LTBP4: variants seen among roughly 807,000 people sequenced by gnomAD.
LTBP4 encodes the protein latent transforming growth factor beta binding protein 4.
Under a neutral mutation model 180.2 loss-of-function variants are expected in LTBP4, and 93 were observed. The observed-to-expected ratio is 0.52, with a 90% CI of 0.44 to 0.61. LTBP4 has a LOEUF of 0.61. Among genes scored for constraint, LTBP4 ranks in the 20% least tolerant of loss-of-function variants. The pLI is 0.00. For synonymous variants in LTBP4, 947 were observed against 934.5 expected, an observed-to-expected ratio of 1.01 and a Z score of -0.24; for missense variants, 2,116 against 2,256.5, an observed-to-expected ratio of 0.94 and a Z score of 1.26.
intron 21 of LTBP4, among the ~76,000 whole-genome samples, chr19:40,618,405 G>C (rs1346789544): frequency 2.0e-5 from 3 of 152,006 alleles, no homozygotes; most frequent in Non-Finnish European, 4.4e-5. Flanking sequence ...GATTACAGGT[G>C]CCCACCACTA....
intron 26 of LTBP4, among the ~76,000 whole-genome samples, chr19:40,625,314 A>ATT (rs2081625095): frequency 5.6e-5 from 1 of 17,754 alleles, no homozygotes; most frequent in Non-Finnish European, 9.6e-5. Flanking sequence ...ATATATATAT[A>ATT]TATTTTTTTT....
intron 21 of LTBP4, among the ~76,000 whole-genome samples, chr19:40,618,932 A>G (rs2081567620): frequency 6.6e-6 from 1 of 152,138 alleles, no homozygotes. Flanking sequence ...TTTCACAATG[A>G]TGAAGGTGGC....
At chr19:40,600,352 G>A (rs1279367873), upstream of LTBP4, among the ~76,000 whole-genome samples, 1 of 152,152 alleles carries the variant, frequency 6.6e-6, no homozygotes, top group African/African-American at 2.4e-5. The surrounding 1 kb of genome is among the most constrained non-coding windows in gnomAD (Gnocchi z 4.4). Flanking sequence ...AGGTGAGCCC[G>A]GGACAGGACC....
Position 40,601,523 on chromosome 19 carries a change from G to A in LTBP4, c.136G>A (p.Val46Ile), listed in dbSNP as rs2081423768. ...CCCGGTCGTGTGCGGCCTGCGCTGC[G>A]TCCATGGGCCGACCGGCTCCCGCTG... ...FTPVVCGLRC[V>I]HGPTGSRCTP... Residue 46 changes from valine (V) to isoleucine (I), a missense_variant, in exon 1 of 30, where the codon GTC (valine) becomes ATC (isoleucine). By Grantham distance (29) the Val-to-Ile change is conservative. Around this residue, in one of 5 missense-constraint regions of LTBP4, gnomAD observed 469 missense variants for 532.5 expected, o/e 0.88. Transcript: ENST00000396819. The A allele has an allele frequency of 4.7e-6, 7 of 1,494,252 alleles. No homozygotes were observed. The highest frequency in any genetic ancestry group is 2.1e-4 in the Middle Eastern group (1 of 4,868). 92.6% of individuals were successfully genotyped at this position (1,494,252 alleles called of 1,614,324 possible).
At chr19:40,620,954 T>C (rs898374520) in intron 22 of LTBP4, among the ~76,000 whole-genome samples, 5 of 151,466 alleles carry the variant, frequency 3.3e-5, no homozygotes, top group Non-Finnish European at 7.4e-5. Context: ...TTTTTTTTTT[T>C]CTTTGAGACG....
chr19:40,611,310 G>C lies in LTBP4; in HGVS notation c.1969G>C (p.Gly657Arg), dbSNP rs747808808. 6.2e-7 allele frequency: 1 copy of C among 1,612,270 alleles called. No homozygotes were observed. Among genetic ancestry groups the C allele is most frequent in the Non-Finnish European group, 8.5e-7 (1 of 1,179,498 alleles). Residue 657 changes from glycine to arginine, a missense_variant, in exon 13 of 30, where the codon GGC becomes CGC. Physicochemically the swap from Gly to Arg is moderately radical, Grantham distance 125. Around this residue, in one of 5 missense-constraint regions of LTBP4, gnomAD observed 877 missense variants for 873.6 expected, o/e 1.00. Transcript: ENST00000396819. This position sits in a 1 kb window ranked among gnomAD's most constrained non-coding sequence, Gnocchi z 4.4. ...CCAGGAGCCGCCGCCCTGTGGGCCC[G>C]GCCGCTGTGACAACACGGCAGGCTC... ...CAQEPPPCGPGRCDNTAGSFH... is the reference protein window; with the variant it reads ...CAQEPPPCGPRRCDNTAGSFH...
At chr19:40,603,072 A>T (rs187692646) in intron 1 of LTBP4, among the ~76,000 whole-genome samples, 3 of 152,174 alleles carry the variant, frequency 2.0e-5, no homozygotes, top group Admixed American at 6.5e-5. Flanking sequence ...CTCTCCAACC[A>T]TGGCAACAGA....
At position 40,612,110 on chromosome 19, in the gene LTBP4, G is replaced by A. The variant is rs1017466644; in HGVS notation, c.2217G>A (p.Gly739=). ...DECENHLACP[G]QECVNSPGSF... The stretch of plus-strand genomic sequence containing the variant: ...GTGAGAACCACCTCGCATGCCCTGG[G>A]CAGGAGTGTGTGAACTCGCCCGGCT... Residue 739 remains glycine, a synonymous_variant, in exon 15 of 30, where the codon GGG becomes GGA. Coordinates refer to ENST00000396819, the MANE Select transcript of LTBP4 (RefSeq NM_001042545.2). 2 of 1,613,658 alleles carry A rather than the reference G, an allele frequency of 1.2e-6. No individual in the cohort carries two copies. The highest frequency in any genetic ancestry group is 2.2e-5 in the South Asian group (2 of 90,960).
chr19:40,622,479 G>GC lies in LTBP4; in HGVS notation c.3298dup (p.Arg1100ProfsTer6). 6.2e-7 allele frequency: 1 copy of GC among 1,609,068 alleles called. No homozygotes were observed. On this transcript the variant is annotated frameshift_variant, in exon 23 of 30. Coordinates refer to ENST00000396819, the MANE Select transcript of LTBP4 (RefSeq NM_001042545.2). LOFTEE classifies it high-confidence loss of function. The surrounding 1 kb of genome is among the most constrained non-coding windows in gnomAD (Gnocchi z 5.1). The stretch of plus-strand genomic sequence containing the variant: ...AGGCCACCTCCGCCACCCCTGCCCC[G>GC]CCGACCCAGCACACCTAGGCAGGGC...
At chr19:40,607,318 AG>A in intron 6 of LTBP4, 46 bp from the exon 7 acceptor site, 1 of 1,522,900 alleles carries the variant, frequency 6.6e-7, no homozygotes, top group Middle Eastern at 1.7e-4. Context: ...TCAGTGCTAC[AG>A]CATTCCCAGC....
intron 25 of LTBP4, 27 bp from the exon 26 acceptor site, chr19:40,623,909 G>T: frequency 6.2e-7 from 1 of 1,612,856 alleles, no homozygotes; most frequent in South Asian, 1.1e-5. Context: ...AGTTGAAGGG[G>T]ATGCCTCTTA....
upstream of LTBP4, chr19:40,599,784 C>G: frequency 1.7e-6 from 1 of 582,522 alleles, no homozygotes. Context: ...TTTCTAGTTA[C>G]CTGTCTCTTT....
At chr19:40,626,800 A>T (rs2081636433) in intron 27 of LTBP4, among the ~76,000 whole-genome samples, 175 bp from the exon 28 acceptor site, 1 of 152,078 alleles carries the variant, frequency 6.6e-6, no homozygotes, top group Non-Finnish European at 1.5e-5. Flanking sequence ...CCTTGATCTC[A>T]GCACGTCCGA....
chr19:40,629,498 T>C lies in LTBP4; in HGVS notation c.4622T>C (p.Phe1541Ser). The C allele has an allele frequency of 1.2e-6, 2 of 1,604,446 alleles. No individual in the cohort carries two copies. The highest frequency in any genetic ancestry group is 1.7e-5 in the Admixed American group (1 of 59,700). Residue 1541 changes from phenylalanine to serine, a missense_variant, in exon 30 of 30, where the codon TTC becomes TCC. Transcript: ENST00000396819. The surrounding 1 kb of genome is among the most constrained non-coding windows in gnomAD (Gnocchi z 4.5). ...GSFRCICRPGFAPTHQPHHCA... is the reference protein window; with the variant it reads ...GSFRCICRPGSAPTHQPHHCA... ...TTCCGCTGCATCTGCCGCCCGGGAT[T>C]CGCACCCACGCACCAGCCGCACCAC...
At chr19:40,615,292 T>A (rs2081541206) in intron 19 of LTBP4, 1 of 147,938 alleles carries the variant, frequency 6.8e-6, no homozygotes, top group African/African-American at 2.5e-5. Context: ...GACCTCTGAC[T>A]CATGGAAATC....
intron 6 of LTBP4, 90 bp from the exon 7 acceptor site, chr19:40,607,275 A>AC: frequency 6.8e-5 from 45 of 657,078 alleles, no homozygotes; most frequent in East Asian, 1.2e-4. Flanking sequence ...CCCACCCCCA[A>AC]CCCCAGAACC....
rs546596143 is a variant in LTBP4 at position 40,627,061 on chromosome 19, G to A, written c.4072G>A (p.Gly1358Ser). 2.5e-5 allele frequency: 41 copies of A among 1,613,604 alleles called. No individual in the cohort carries two copies. The highest frequency in any genetic ancestry group is 3.2e-5 in the Non-Finnish European group (38 of 1,179,690). Residue 1358 changes from glycine to serine, a missense_variant, in exon 28 of 30, where the codon GGC becomes AGC. Gly to Ser is a moderately conservative substitution (Grantham distance 56). Around this residue, in one of 5 missense-constraint regions of LTBP4, gnomAD observed 488 missense variants for 458.8 expected, o/e 1.06. Coordinates refer to ENST00000396819, the MANE Select transcript of LTBP4 (RefSeq NM_001042545.2). ...TGGCTTTGGACTCCCCTACGAGTAC[G>A]GCCCAGACTTAGGTCCACCTTACCA... ...PGGFGLPYEY[G>S]PDLGPPYQGL...
At chr19:40,623,157 CTTTCTTTCT>C (rs976318598) in intron 24 of LTBP4, 136 bp downstream of exon 24, 1 of 540,376 alleles carries the variant, frequency 1.9e-6, no homozygotes, top group African/African-American at 2.1e-5. Context: ...TACTCTGTCT[CTTTCTTTCT>C]TTTCTTTCTT....
chr19:40,602,184 G>GTGTGT (rs2081428944), intron 1 of LTBP4, among the ~76,000 whole-genome samples: 1 of 125,000 alleles, frequency 8.0e-6, no homozygotes, highest in African/African-American at 3.7e-5. Context: ...TGTGTGTGTG[G>GTGTGT]CGGCGGGGGT....
Sources: allele counts gnomAD v4.1 joint callset (sites outside exome capture counted in the v4.1 genomes callset), GRCh38; gene constraint gnomAD v4.1.1; regional missense constraint gnomAD v4.1.1; non-coding constraint Gnocchi (gnomAD v3.1); transcripts MANE v1.5; gene names NCBI Gene and HGNC (gene_info 2026-07-23, HGNC 2026-07-21).